OR8G1: variants seen among roughly 807,000 people sequenced by gnomAD.
OR8G1 encodes the protein olfactory receptor 8G1.
For missense variants in OR8G1, 372 were observed against 356.2 expected (o/e 1.04, Z -0.36); for synonymous variants, 129 against 133.3 (o/e 0.97, Z 0.22).
At position 124,251,469 on chromosome 11, in the gene OR8G1, A is replaced by G. The variant is rs893837640; in HGVS notation, c.*858A>G. 4.1e-6 allele frequency: 3 copies of G among 723,364 alleles called. No individual in the cohort carries two copies. In the Admixed American group the frequency reaches 1.0e-4, roughly 25 times the overall value. 44.8% of individuals were successfully genotyped at this position (723,364 alleles called of 1,614,324 possible). ...AAAATTTACTTTAGAAGGTTCTTCA[A>G]GAATCTATAATATAACTGGTAACAT... On this transcript the variant is annotated 3_prime_UTR_variant, in exon 3 of 3. Transcript: ENST00000641972.
chr11:124,252,626 A>T lies in OR8G1; in HGVS notation c.*2015A>T, dbSNP rs972172637. 1 of 152,176 alleles carries T rather than the reference A, an allele frequency of 6.6e-6. No homozygotes were observed. The highest frequency in any genetic ancestry group is 2.4e-5 in the African/African-American group (1 of 41,440). 9.4% of individuals were successfully genotyped at this position (152,176 alleles called of 1,614,324 possible). A position where few individuals can be genotyped will look rare whatever the true frequency, so the allele number is the denominator to read the frequency against. On this transcript the variant is annotated 3_prime_UTR_variant, in exon 3 of 3. Transcript: ENST00000641972. ...ATACACACTCAAATATTTATTAATG[A>T]TTATACCAAACACCCTTGGTTTCTC...
At position 124,251,788 on chromosome 11, in the gene OR8G1, T is replaced by C. The variant is rs1234696393; in HGVS notation, c.*1177T>C. On this transcript the variant is annotated 3_prime_UTR_variant, in exon 3 of 3. Coordinates refer to ENST00000641972, the MANE Select transcript of OR8G1 (RefSeq NM_001002905.2). ...CTATGCCTAGAGCAGAACATAATTT[T>C]ACCTGTGCTGGTAATGAGAAAATTC... 6.5e-6 allele frequency: 1 copy of C among 154,982 alleles called. No homozygotes were observed. The highest frequency in any genetic ancestry group is 1.9e-4 in the East Asian group (1 of 5,320). 9.6% of individuals were successfully genotyped at this position (154,982 alleles called of 1,614,324 possible).
Position 124,250,037 on chromosome 11 carries a change from A to G in OR8G1, c.362A>G (p.Asp121Gly). 6.2e-7 allele frequency: 1 copy of G among 1,613,632 alleles called. No homozygotes were observed. The highest frequency in any genetic ancestry group is 1.1e-5 in the South Asian group (1 of 91,058). Reference sequence around the variant, plus strand: ...CACATGTTGGCTGCAATGGCGTATGACCGTTACATGGCCATCTGTAGCCCC... The same window carrying G: ...CACATGTTGGCTGCAATGGCGTATGGCCGTTACATGGCCATCTGTAGCCCC... ...ECHMLAAMAY[D>G]RYMAICSPLL... Residue 121 changes from aspartate to glycine, a missense_variant, in exon 3 of 3, where the codon GAC (aspartate) becomes GGC (glycine). Asp to Gly is a moderately conservative substitution (Grantham distance 94). Transcript: ENST00000641972.
chr11:124,244,130 GAGAA>G (rs981305827), intron 1 of OR8G1, among the ~76,000 whole-genome samples: 2 of 151,166 alleles, frequency 1.3e-5, no homozygotes, highest in African/African-American at 4.9e-5. Flanking sequence ...GAGATGGAGA[GAGAA>G]TGAGGAAAGG....
chr11:124,243,941 A>T (rs1016205387), intron 1 of OR8G1, among the ~76,000 whole-genome samples: 17 of 151,576 alleles, frequency 1.1e-4, no homozygotes, highest in Non-Finnish European at 2.4e-4. Flanking sequence ...AAATTAAAAA[A>T]TAACAAAAGA....
At chr11:124,245,500 C>T (rs1471612995) in intron 1 of OR8G1, among the ~76,000 whole-genome samples, 2 of 109,314 alleles carry the variant, frequency 1.8e-5, no homozygotes, top group Non-Finnish European at 3.7e-5. Flanking sequence ...TTTATAGCAG[C>T]ATGATTTATA....
intron 1 of OR8G1, among the ~76,000 whole-genome samples, chr11:124,245,653 C>T (rs930666022): frequency 2.8e-5 from 4 of 142,868 alleles, no homozygotes; most frequent in Admixed American, 1.4e-4. Flanking sequence ...GTTCCTATTT[C>T]TCCACATCCT....
chr11:124,253,260 A>G lies in OR8G1; in HGVS notation c.*2649A>G, dbSNP rs1173831409. On this transcript the variant is annotated 3_prime_UTR_variant, in exon 3 of 3. Transcript: ENST00000641972. ...ACAAGGAGAAACCTCATTTCTGCAG[A>G]AAATACAAAAATTAGCTGGGCATGG... The G allele has an allele frequency of 6.6e-6, 1 of 152,134 alleles. No homozygotes were observed. Among genetic ancestry groups the G allele is most frequent in the Non-Finnish European group, 1.5e-5 (1 of 68,046 alleles). 9.4% of individuals were successfully genotyped at this position (152,134 alleles called of 1,614,324 possible).
chr11:124,241,585 C>CA (rs1555050520), intron 1 of OR8G1, among the ~76,000 whole-genome samples: 30 of 151,830 alleles, frequency 2.0e-4, no homozygotes, highest in African/African-American at 6.8e-4. Context: ...ATAACTCAGT[C>CA]AAAGAAAATG....
rs2466707 is a variant in OR8G1 at position 124,252,126 on chromosome 11, G to A, written c.*1515G>A. ...CCATAGGTTAATAGGACTATTTCCC[G>A]GGAACTCTAAAAACATGGCATGTAT... On this transcript the variant is annotated 3_prime_UTR_variant, in exon 3 of 3. Coordinates refer to ENST00000641972, the MANE Select transcript of OR8G1 (RefSeq NM_001002905.2). 77,362 of 151,504 alleles carry A rather than the reference G, an allele frequency of 0.51. 20,343 individuals carry two copies. Among genetic ancestry groups the A allele is most frequent in the South Asian group, 0.7 (3,360 of 4,810 alleles). 9.4% of individuals were successfully genotyped at this position (151,504 alleles called of 1,614,324 possible).
chr11:124,249,348 A>G (rs1159594682), intron 2 of OR8G1, among the ~76,000 whole-genome samples: 1 of 152,082 alleles, frequency 6.6e-6, no homozygotes, highest in Non-Finnish European at 1.5e-5. Flanking sequence ...CAACTCATTT[A>G]TATTGGCTTA....
chr11:124,250,507 T>G lies in OR8G1; in HGVS notation c.832T>G (p.Tyr278Asp), dbSNP rs1240953959. ...CCAGGGGAAAGTATCCTCTGTGTTT[T>G]ATACTATTATTGTGCCCATGTTGAA... ...MDQGKVSSVF[Y>D]TIIVPMLNPL... The change falls in exon 3 of 3, where the codon TAT (tyrosine) becomes GAT (aspartate). Residue 278 changes from tyrosine to aspartate, a missense_variant. By Grantham distance (160) the Tyr-to-Asp change is radical. Transcript: ENST00000641972. 1 of 1,613,616 alleles carries G rather than the reference T, an allele frequency of 6.2e-7. No individual in the cohort carries two copies. The highest frequency in any genetic ancestry group is 8.5e-7 in the Non-Finnish European group (1 of 1,179,696).
Position 124,250,768 on chromosome 11 carries a change from T to C in OR8G1, c.*157T>C, listed in dbSNP as rs2137751385. ...TTCATTTCATGACCCTTTGATGTCA[T>C]TTCCCATGTGGGGTTTTAACTCATA... On this transcript the variant is annotated 3_prime_UTR_variant, in exon 3 of 3. Coordinates refer to ENST00000641972, the MANE Select transcript of OR8G1 (RefSeq NM_001002905.2). The C allele has an allele frequency of 2.8e-6, 1 of 351,040 alleles. No individual in the cohort carries two copies. The highest frequency in any genetic ancestry group is 4.7e-6 in the Non-Finnish European group (1 of 211,164). 21.7% of individuals were successfully genotyped at this position (351,040 alleles called of 1,614,324 possible).
chr11:124,249,645 T>A lies in OR8G1; in HGVS notation c.-16-15T>A. 1 of 1,578,996 alleles carries A rather than the reference T, an allele frequency of 6.3e-7. No individual in the cohort carries two copies. Among genetic ancestry groups the A allele is most frequent in the South Asian group, 1.2e-5 (1 of 85,880 alleles). ...ACCATGGGGTTTTTTTGTTTTGTTT[T>A]TTCTCTTCCTGCAGAAACTGACTGG... On this transcript the variant is annotated splice_polypyrimidine_tract_variant and intron_variant, in intron 2 of 2. Coordinates refer to ENST00000641972, the MANE Select transcript of OR8G1 (RefSeq NM_001002905.2).
chr11:124,241,929 C>A (rs921681658), intron 1 of OR8G1, among the ~76,000 whole-genome samples: 2 of 152,040 alleles, frequency 1.3e-5, no homozygotes, highest in Non-Finnish European at 2.9e-5. Flanking sequence ...GCAACCTGTT[C>A]ATCAGTGTCC....
chr11:124,244,155 GGAGA>G (rs370927495), intron 1 of OR8G1, among the ~76,000 whole-genome samples: 13 of 151,304 alleles, frequency 8.6e-5, no homozygotes, highest in African/African-American at 2.7e-4. Context: ...ATGGAGAGAG[GGAGA>G]GAGAGATGGA....
At chr11:124,248,155 A>G (rs1479869714) in intron 2 of OR8G1, among the ~76,000 whole-genome samples, 1 of 151,956 alleles carries the variant, frequency 6.6e-6, no homozygotes, top group Non-Finnish European at 1.5e-5. Context: ...CTATTCATAC[A>G]TATTTTTGTA....
intron 2 of OR8G1, 32 bp from the exon 3 acceptor site, chr11:124,249,628 G>GT (rs748764124): frequency 1.5e-5 from 24 of 1,550,404 alleles, no homozygotes; most frequent in Non-Finnish European, 2.1e-5. Context: ...CAACCATGGG[G>GT]TTTTTTTGTT....
At chr11:124,247,047 T>A (rs2137747871) in intron 1 of OR8G1, among the ~76,000 whole-genome samples, 1 of 151,848 alleles carries the variant, frequency 6.6e-6, no homozygotes, top group East Asian at 1.9e-4. Flanking sequence ...AATTTATAAC[T>A]TATATGTACA....
Sources: gnomAD v4.1 joint callset for allele counts (sites outside exome capture counted in the v4.1 genomes callset) on GRCh38, gnomAD v4.1.1 for gene constraint, MANE v1.5 for transcripts, NCBI Gene and HGNC (gene_info 2026-07-23, HGNC 2026-07-21) for gene names.